Variants in FSHR observed in about 807,000 individuals in gnomAD.
FSHR encodes follicle-stimulating hormone receptor.
A neutral mutation model predicts 52.1 loss-of-function variants in FSHR; 46 were observed. The ratio of observed to expected loss-of-function variants is 0.88; its 90% CI spans 0.70 to 1.13. The LOEUF (loss-of-function observed/expected upper bound fraction) is 1.13. Among genes scored for constraint, FSHR ranks in the 50% most tolerant of loss-of-function variants. The pLI, the probability that FSHR is intolerant of heterozygous loss-of-function variation, is 0.00. For missense variants in FSHR, 964 were observed against 834.6 expected, an observed-to-expected ratio of 1.16 and a Z score of -1.91; for synonymous variants, 399 against 309.6, an observed-to-expected ratio of 1.29 and a Z score of -3.03.
chr2:49,058,679 TAAAG>T (rs1291785011), intron 2 of FSHR, among the ~76,000 whole-genome samples: 3 of 148,248 alleles, frequency 2.0e-5, no homozygotes, highest in Non-Finnish European at 4.5e-5. Flanking sequence ...GAAAAAAAAA[TAAAG>T]AAGCCCATTC....
chr2:49,028,894 T>G (rs1402172050), intron 2 of FSHR, among the ~76,000 whole-genome samples: 1 of 152,210 alleles, frequency 6.6e-6, no homozygotes, highest in Non-Finnish European at 1.5e-5. Context: ...AAACTTGTTC[T>G]GAAAGTCCCT....
In FSHR at chr2:49,110,213, C is replaced by T. The variant is rs532395196; in HGVS notation, c.153-41923G>A. ...TACTAAGTGTTTTTACCTTTATTAG[C>T]TTATTTAATCCTCTCAGTATTCCAT... On this transcript the variant is annotated intron_variant, in intron 1 of 9. Coordinates refer to ENST00000406846, the MANE Select transcript of FSHR (RefSeq NM_000145.4). 6.6e-5 allele frequency among the ~76,000 whole-genome samples: 10 copies of T among 152,244 alleles called. 1 individual carries two copies. The highest frequency in any genetic ancestry group is 2.4e-4 in the African/African-American group (10 of 41,552).
chr2:49,102,671 A>G (rs985922319), intron 1 of FSHR, among the ~76,000 whole-genome samples: 5 of 152,206 alleles, frequency 3.3e-5, no homozygotes, highest in African/African-American at 9.6e-5. Context: ...TAGAAAGTCA[A>G]TTTTTGAATG....
At chr2:49,038,482 G>A (rs143251438) in intron 2 of FSHR, among the ~76,000 whole-genome samples, 354 of 151,636 alleles carry the variant, frequency 2.3e-3, no homozygotes, top group African/African-American at 8.2e-3. Flanking sequence ...ATAATTAGCC[G>A]GGCGTGGTGG....
At chr2:49,073,522 A>G (rs1669831466) in intron 1 of FSHR, among the ~76,000 whole-genome samples, 1 of 152,072 alleles carries the variant, frequency 6.6e-6, no homozygotes, top group Non-Finnish European at 1.5e-5. Flanking sequence ...AAGGGAAACT[A>G]CAGAACACTA....
At chr2:48,996,077 A>G (rs1676012236) in intron 4 of FSHR, among the ~76,000 whole-genome samples, 1 of 152,080 alleles carries the variant, frequency 6.6e-6, no homozygotes, top group Admixed American at 6.6e-5. Flanking sequence ...CTAGTAACCA[A>G]GGCTGAGGGT....
chr2:49,149,358 A>G (rs528693331), intron 1 of FSHR, among the ~76,000 whole-genome samples: 36 of 152,200 alleles, frequency 2.4e-4, no homozygotes, highest in African/African-American at 8.2e-4. Flanking sequence ...CTTGTCAGGC[A>G]CAAAGCAATA....
chr2:49,012,633 G>A (rs1249549168), intron 4 of FSHR, among the ~76,000 whole-genome samples: 1 of 152,112 alleles, frequency 6.6e-6, no homozygotes, highest in Non-Finnish European at 1.5e-5. Context: ...TCCTGCTTCA[G>A]TGGCTGTGAT....
chr2:48,978,235 T>A (rs1239313158), intron 8 of FSHR, among the ~76,000 whole-genome samples: 1 of 152,196 alleles, frequency 6.6e-6, no homozygotes, highest in Non-Finnish European at 1.5e-5. Context: ...TTATAGCCAG[T>A]GCCACAAATT....
intron 1 of FSHR, among the ~76,000 whole-genome samples, chr2:49,081,626 G>C (rs747655188): frequency 1.3e-5 from 2 of 152,100 alleles, no homozygotes; most frequent in African/African-American, 4.8e-5. Context: ...AATGATTTCT[G>C]TAAAGATTAA....
intron 2 of FSHR, among the ~76,000 whole-genome samples, chr2:49,063,982 C>A (rs12618787): frequency 0.35 from 52,597 of 151,214 alleles, 9,713 homozygotes; most frequent in East Asian, 0.49. Flanking sequence ...TAAATATGCA[C>A]AATTATGTGT....
At chr2:49,013,901 A>G (rs1667383857) in intron 4 of FSHR, among the ~76,000 whole-genome samples, 1 of 152,076 alleles carries the variant, frequency 6.6e-6, no homozygotes, top group Non-Finnish European at 1.5e-5. Context: ...AATAGGATGA[A>G]TGCCCTTACA....
At chr2:49,104,428 G>A (rs1290403163) in intron 1 of FSHR, among the ~76,000 whole-genome samples, 1 of 152,118 alleles carries the variant, frequency 6.6e-6, no homozygotes, top group African/African-American at 2.4e-5. Context: ...ATTCACCATG[G>A]AAAGTTGTTC....
chr2:49,073,620 C>A (rs1669835952), intron 1 of FSHR, among the ~76,000 whole-genome samples: 1 of 151,950 alleles, frequency 6.6e-6, no homozygotes, highest in Non-Finnish European at 1.5e-5. Context: ...ACTATACCAC[C>A]CAAAGCAATC....
intron 2 of FSHR, among the ~76,000 whole-genome samples, chr2:49,050,037 A>T (rs1668799060): frequency 6.6e-6 from 1 of 152,108 alleles, no homozygotes; most frequent in Non-Finnish European, 1.5e-5. Context: ...CAACCCAAAA[A>T]GTGACAAGAA....
intron 4 of FSHR, 87 bp downstream of exon 4, chr2:49,017,402 C>T: frequency 6.1e-6 from 6 of 982,202 alleles, no homozygotes; most frequent in Non-Finnish European, 8.0e-6. Flanking sequence ...AAAGTAATTG[C>T]TCCCCAGAGT....
chr2:49,005,155 C>T (rs758132512), intron 4 of FSHR, among the ~76,000 whole-genome samples: 5 of 152,220 alleles, frequency 3.3e-5, no homozygotes, highest in Non-Finnish European at 7.4e-5. Flanking sequence ...AGGACTTGGG[C>T]TTCTTTCAGG....
intron 2 of FSHR, among the ~76,000 whole-genome samples, chr2:49,054,015 T>C (rs887856008): frequency 2.0e-5 from 3 of 152,174 alleles, no homozygotes; most frequent in African/African-American, 7.2e-5. Flanking sequence ...AAAATAAAGA[T>C]GTGTGAACTC....
chr2:49,033,318 A>G (rs1452244085), intron 2 of FSHR, among the ~76,000 whole-genome samples: 1 of 152,148 alleles, frequency 6.6e-6, no homozygotes, highest in African/African-American at 2.4e-5. Flanking sequence ...TGTGTAACCT[A>G]AAGATATGTC....
Sources: allele counts gnomAD v4.1 joint callset (sites outside exome capture counted in the v4.1 genomes callset), GRCh38; gene constraint gnomAD v4.1.1; transcripts MANE v1.5; gene names NCBI Gene and HGNC (gene_info 2026-07-23, HGNC 2026-07-21).